SMC1A: variants seen among roughly 807,000 people sequenced by gnomAD.
SMC1A encodes the protein structural maintenance of chromosomes 1A, also known as structural maintenance of chromosomes protein 1A.
SMC1A carries 4 observed loss-of-function variants against 94.5 expected under a neutral mutation model. The ratio of observed to expected loss-of-function variants is 0.04; its 90% confidence interval spans 0.02 to 0.10. SMC1A has a LOEUF of 0.10. Ranked by LOEUF, SMC1A falls within the 10% of genes least tolerant of loss-of-function variation. SMC1A has a pLI of 1.00. For missense variants in SMC1A, 304 were observed against 989.0 expected (o/e 0.31, Z 9.29); for synonymous variants, 345 against 347.7 (o/e 0.99, Z 0.09).
chrX:53,405,176 G>C, intron 12 of SMC1A, 27 bp from the exon 13 acceptor site: 1 of 1,211,983 alleles, frequency 8.3e-7, no homozygotes, highest in Non-Finnish European at 1.1e-6. Context: ...AGAAGGGCTA[G>C]GTGGTAAGGT....
At chrX:53,419,216 T>A (rs1414716865) in intron 1 of SMC1A, among the ~76,000 whole-genome samples, 2 of 109,548 alleles carry the variant, frequency 1.8e-5, no homozygotes, top group African/African-American at 6.7e-5. Context: ...CCCAAGTCCT[T>A]CCATAGAGAC....
intron 13 of SMC1A, 65 bp downstream of exon 13, chrX:53,404,947 A>C: frequency 1.1e-5 from 12 of 1,138,988 alleles, no homozygotes; most frequent in Non-Finnish European, 1.4e-5. Context: ...CCCCACCCCC[A>C]GAGAAACCTA....
At chrX:53,421,093 T>C (rs2075753323) in intron 1 of SMC1A, among the ~76,000 whole-genome samples, 1 of 110,712 alleles carries the variant, frequency 9.0e-6, no homozygotes, top group Non-Finnish European at 1.9e-5. Flanking sequence ...GGGGACTGAA[T>C]GCCAAGAGGT....
At chrX:53,380,564 T>C (rs1274363253) in intron 24 of SMC1A, 56 bp downstream of exon 24, 4 of 814,034 alleles carry the variant, frequency 4.9e-6, no homozygotes, top group Non-Finnish European at 7.4e-6. Context: ...CTTCCTTTCC[T>C]GCCCTGGGAA....
In SMC1A at chrX:53,376,435, T is replaced by C. The variant is rs973151780; in HGVS notation, c.*3668A>G. 8.9e-6 allele frequency: 1 copy of C among 111,833 alleles called. No homozygotes were observed. The highest frequency in any genetic ancestry group is 3.3e-5 in the African/African-American group (1 of 30,743). The allele number at this position is 111,833 out of a possible 1,213,427, so 9.2% of individuals were successfully genotyped here. On this transcript the variant is annotated 3_prime_UTR_variant, in exon 25 of 25. Transcript: ENST00000322213. ...CGGGGCCCAGAATGCCGTACCTGTT[T>C]GTGGTATACAGCCAGTTTGGGAACC...
chrX:53,385,219 A>T (rs1487684783), intron 19 of SMC1A, among the ~76,000 whole-genome samples: 1 of 106,265 alleles, frequency 9.4e-6, no homozygotes, highest in African/African-American at 3.4e-5. Context: ...CCTTATGAAG[A>T]TCTCTATACA....
chrX:53,378,834 C>A lies in SMC1A; in HGVS notation c.*1269G>T, dbSNP rs1415328962. 1 of 112,201 alleles carries A rather than the reference C, an allele frequency of 8.9e-6. No individual in the cohort carries two copies. Among genetic ancestry groups the A allele is most frequent in the East Asian group, 2.8e-4 (1 of 3,596 alleles). 9.2% of individuals were successfully genotyped at this position (112,201 alleles called of 1,213,427 possible). On this transcript the variant is annotated 3_prime_UTR_variant, in exon 25 of 25. Coordinates refer to ENST00000322213, the MANE Select transcript of SMC1A (RefSeq NM_006306.4). ...TAAAATGAACCTCACAGGTGTTAGG[C>A]TGGGATGTGGCCCAGGATACCTCTC...
chrX:53,386,420 A>G (rs782572922), intron 19 of SMC1A, among the ~76,000 whole-genome samples: 1 of 112,322 alleles, frequency 8.9e-6, no homozygotes, highest in Non-Finnish European at 1.9e-5. Context: ...AGAAATTCAA[A>G]TATGGGTTGA....
Position 53,403,641 on chromosome X carries a change from C to A in SMC1A, c.2345G>T (p.Arg782Leu). ...CCGGATGTTGCGCACACCAATCTCC[C>A]GACAAAACTCTTCAAACACCTCATC... ...VEDEVFEEFC[R>L]EIGVRNIREF... Residue 782 changes from arginine to leucine, a missense_variant, in exon 15 of 25, where the codon CGG becomes CTG. Transcript: ENST00000322213. 8.3e-7 allele frequency: 1 copy of A among 1,208,235 alleles called. No homozygotes were observed. The highest frequency in any genetic ancestry group is 1.1e-6 in the Non-Finnish European group (1 of 893,684).
At chrX:53,389,421 TGTGTAA>T (rs2146587987) in intron 19 of SMC1A, among the ~76,000 whole-genome samples, 1 of 111,433 alleles carries the variant, frequency 9.0e-6, no homozygotes, top group African/African-American at 3.3e-5. Flanking sequence ...CCATCATGGA[TGTGTAA>T]CACTAATTAT....
At chrX:53,382,955 T>G in intron 20 of SMC1A, 142 bp downstream of exon 20, 1 of 636,159 alleles carries the variant, frequency 1.6e-6, no homozygotes, top group South Asian at 2.7e-5. Context: ...GCAGGTGTAA[T>G]AACCCCTACT....
rs781912370 is a variant in SMC1A at position 53,396,301 on chromosome X, G to A, written c.2788C>T (p.Leu930=). Residue 930 remains leucine, a synonymous_variant, in exon 18 of 25, where the codon CTA becomes TTA. Coordinates refer to ENST00000322213, the MANE Select transcript of SMC1A (RefSeq NM_006306.4). ...ATGTCCTGCATCTTACAGGCCTGTA[G>A]CAAGTTGTGACGGTCACTGCGCTTC... The part of the protein sequence containing the change: ...EQKRSDRHNL[L]QACKMQDIKL... 8.3e-6 allele frequency: 10 copies of A among 1,208,883 alleles called. No homozygotes were observed. The East Asian group carries it at 2.4e-4, about 29-fold the overall frequency.
chrX:53,391,975 C>A lies in SMC1A; in HGVS notation c.2973+2803G>T, dbSNP rs782638266. On this transcript the variant is annotated intron_variant, in intron 19 of 24. Transcript: ENST00000322213. ...CGACAAGTAGGCGTGACAAGAGTAT[C>A]TCCAGCCATTGTCATATGTCCCCTG... 1.0e-4 allele frequency among the ~76,000 whole-genome samples: 11 copies of A among 110,503 alleles called. 1 individual carries two copies. The highest frequency in any genetic ancestry group is 3.6e-4 in the African/African-American group (11 of 30,392).
intron 1 of SMC1A, among the ~76,000 whole-genome samples, 154 bp downstream of exon 1, chrX:53,422,338 G>A (rs2033794230): frequency 8.9e-6 from 1 of 111,937 alleles, no homozygotes; most frequent in African/African-American, 3.2e-5. Flanking sequence ...CCCGCGCGGG[G>A]AGAGTGGGTT....
In SMC1A at chrX:53,374,190, G is replaced by A. The variant is rs2075551498; in HGVS notation, c.*5913C>T. The A allele has an allele frequency of 8.9e-6, 1 of 111,912 alleles. No individual in the cohort carries two copies. The highest frequency in any genetic ancestry group is 9.4e-5 in the Admixed American group (1 of 10,586). 9.2% of individuals were successfully genotyped at this position (111,912 alleles called of 1,213,427 possible). On this transcript the variant is annotated 3_prime_UTR_variant, in exon 25 of 25. Transcript: ENST00000322213. ...ATTAAAGCATTCACAGGGAAATAAG[G>A]AAGACAAGAACAGCTACACAGGCAG...
Position 53,379,817 on chromosome X carries a change from C to G in SMC1A, c.*286G>C, listed in dbSNP as rs1249575003. The G allele has an allele frequency of 2.2e-5, 9 of 406,200 alleles. No individual in the cohort carries two copies. In the African/African-American group the frequency reaches 2.2e-4, roughly 10 times the overall value. 33.5% of individuals were successfully genotyped at this position (406,200 alleles called of 1,213,427 possible). On this transcript the variant is annotated 3_prime_UTR_variant, in exon 25 of 25. Coordinates refer to ENST00000322213, the MANE Select transcript of SMC1A (RefSeq NM_006306.4). ...GTGGGCAAGAGGCCCAAGGGGCCCA[C>G]GATTATGGGTGATGAGGGGGAGGAA...
chrX:53,407,714 G>C (rs781966881), intron 9 of SMC1A, among the ~76,000 whole-genome samples: 2 of 111,508 alleles, frequency 1.8e-5, no homozygotes, highest in Non-Finnish European at 3.8e-5. Flanking sequence ...GTGAATTATA[G>C]GTCACCCAGC....
At chrX:53,383,796 C>G (rs1286936009) in intron 19 of SMC1A, among the ~76,000 whole-genome samples, 2 of 112,395 alleles carry the variant, frequency 1.8e-5, no homozygotes, top group Non-Finnish European at 3.8e-5. Flanking sequence ...GAATGCCTAC[C>G]AAGTGCCAGA....
chrX:53,395,819 C>T (rs1164632028), intron 18 of SMC1A, among the ~76,000 whole-genome samples: 1 of 111,142 alleles, frequency 9.0e-6, no homozygotes, highest in Non-Finnish European at 1.9e-5. Flanking sequence ...TGCAGCTAAG[C>T]TATCACCCTC....
Sources: gnomAD v4.1 joint callset for allele counts (sites outside exome capture counted in the v4.1 genomes callset) on GRCh38, gnomAD v4.1.1 for gene constraint, MANE v1.5 for transcripts, NCBI Gene and HGNC (gene_info 2026-07-23, HGNC 2026-07-21) for gene names.